SLF1: variants seen among roughly 807,000 people sequenced by gnomAD.
The protein encoded by SLF1 is SMC5/6 complex localization factor 1.
SLF1 carries 105 observed loss-of-function variants against 123.0 expected under a neutral mutation model. The observed-to-expected ratio is 0.85, with a 90% CI of 0.73 to 1.00. SLF1 has a LOEUF of 1.00. Among genes scored for constraint, SLF1 ranks in the 50% least tolerant of loss-of-function variants. SLF1 has a pLI of 0.00. For missense variants in SLF1, 1,239 were observed against 1,223.0 expected, an observed-to-expected ratio of 1.01 and a Z score of -0.20; for synonymous variants, 434 against 406.6, an observed-to-expected ratio of 1.07 and a Z score of -0.81.
At chr5:94,647,075 A>G (rs960711399) in intron 5 of SLF1, among the ~76,000 whole-genome samples, 6 of 152,184 alleles carry the variant, frequency 3.9e-5, no homozygotes, top group Admixed American at 3.9e-4. Context: ...CTTAAAGCCA[A>G]CCACTCAATA....
At chr5:94,635,949 C>G (rs897389017) in intron 4 of SLF1, among the ~76,000 whole-genome samples, 1 of 152,128 alleles carries the variant, frequency 6.6e-6, no homozygotes, top group South Asian at 2.1e-4. Flanking sequence ...GCTTAAAGAA[C>G]TTTCTTTCAT....
chr5:94,656,772 C>T (rs1352907381), intron 9 of SLF1, among the ~76,000 whole-genome samples: 1 of 151,588 alleles, frequency 6.6e-6, no homozygotes, highest in African/African-American at 2.4e-5. Flanking sequence ...GTGTATAGTT[C>T]ATAATAGTCT....
chr5:94,660,429 A>G (rs985385774), intron 9 of SLF1, among the ~76,000 whole-genome samples: 3 of 152,044 alleles, frequency 2.0e-5, no homozygotes, highest in African/African-American at 7.2e-5. Context: ...GTGGACAGGG[A>G]TGGGTTGATA....
At chr5:94,651,032 A>G (rs1167073205) in intron 6 of SLF1, among the ~76,000 whole-genome samples, 1 of 152,244 alleles carries the variant, frequency 6.6e-6, no homozygotes, top group Non-Finnish European at 1.5e-5. Context: ...GACCCCATAT[A>G]TGATAGTATC....
chr5:94,658,834 T>C (rs1217336254), intron 9 of SLF1, among the ~76,000 whole-genome samples: 3 of 152,156 alleles, frequency 2.0e-5, no homozygotes, highest in Non-Finnish European at 4.4e-5. Context: ...TTGTCTGTTA[T>C]TTCAAAAGAC....
chr5:94,685,439 CT>C (rs1752303674), intron 15 of SLF1, among the ~76,000 whole-genome samples: 2 of 151,788 alleles, frequency 1.3e-5, no homozygotes, highest in South Asian at 4.2e-4. Flanking sequence ...GTAATTTTAG[CT>C]TTTTTGATAT....
chr5:94,666,399 T>C (rs936314241), intron 12 of SLF1, among the ~76,000 whole-genome samples: 3 of 152,206 alleles, frequency 2.0e-5, no homozygotes, highest in Non-Finnish European at 4.4e-5. Flanking sequence ...GTATCTATTT[T>C]AGGGCTTCAG....
chr5:94,618,257 G>A (rs952446564), upstream of SLF1: 1 of 152,242 alleles, frequency 6.6e-6, no homozygotes, highest in African/African-American at 2.4e-5. Flanking sequence ...CTCGCCCAGG[G>A]ACACTTGGTG....
At chr5:94,667,684 G>T (rs1323137417) in intron 12 of SLF1, among the ~76,000 whole-genome samples, 1 of 152,136 alleles carries the variant, frequency 6.6e-6, no homozygotes, top group Non-Finnish European at 1.5e-5. Context: ...GTGTCCAATA[G>T]TTATTTTCCA....
chr5:94,634,485 A>G (rs1745535678), intron 4 of SLF1, among the ~76,000 whole-genome samples: 1 of 152,188 alleles, frequency 6.6e-6, no homozygotes. Flanking sequence ...CAGTTCATCC[A>G]TGTTGTTGCA....
At position 94,629,167 on chromosome 5, in the gene SLF1, G is replaced by C; in HGVS notation, c.190G>C (p.Gly64Arg). ...SEKFLAACAAGKWILTKDYII... is the reference protein window; with the variant it reads ...SEKFLAACAARKWILTKDYII... ...AAAATTTTTAGCAGCTTGTGCGGCA[G>C]GTAAGTTAACTGTCTTCCCCCAACT... is the stretch of plus-strand genomic sequence containing the variant. The change falls in exon 3 of 21, where the codon GGA becomes CGA. Residue 64 changes from glycine (G) to arginine (R), a missense_variant and splice_region_variant. Coordinates refer to ENST00000265140, the MANE Select transcript of SLF1 (RefSeq NM_032290.4). The C allele has an allele frequency of 6.5e-7, 1 of 1,547,102 alleles. No homozygotes were observed. The highest frequency in any genetic ancestry group is 8.7e-7 in the Non-Finnish European group (1 of 1,144,968).
chr5:94,618,839 C>T (rs1366191590), intron 1 of SLF1, 74 bp downstream of exon 1: 2 of 154,924 alleles, frequency 1.3e-5, no homozygotes, highest in Non-Finnish European at 2.9e-5. Flanking sequence ...GCGGTACCTC[C>T]GAAGTTTCTG....
At chr5:94,626,530 T>A (rs1299583489) in intron 1 of SLF1, among the ~76,000 whole-genome samples, 1 of 152,194 alleles carries the variant, frequency 6.6e-6, no homozygotes, top group Admixed American at 6.5e-5. Flanking sequence ...ATTGTACCTC[T>A]TTGCCCCTTT....
intron 18 of SLF1, 110 bp from the exon 19 acceptor site, chr5:94,691,454 A>G (rs1006241390): frequency 1.3e-5 from 8 of 612,292 alleles, no homozygotes; most frequent in African/African-American, 1.3e-4. Context: ...GAAGAACTCA[A>G]TAAATAAATT....
rs377467042 is a variant in SLF1, at chr5:94,682,054, A to G, written c.1975+3099A>G. 2.3e-4 allele frequency among the ~76,000 whole-genome samples: 35 copies of G among 152,120 alleles called. No homozygotes were observed. The East Asian group carries it at 6.4e-3, about 28-fold the overall frequency. On this transcript the variant is annotated intron_variant, in intron 15 of 20. Transcript: ENST00000265140. ...TGTGCATGTGCGCGTGTGCACATGTATACATTTGGAGAAAGGTAAAGAAAA... is the reference window on the plus strand; with the variant it reads ...TGTGCATGTGCGCGTGTGCACATGTGTACATTTGGAGAAAGGTAAAGAAAA...
In SLF1 at chr5:94,630,731, A is replaced by T. The variant is rs1182006795; in HGVS notation, c.419A>T (p.Asp140Val). 3.2e-6 allele frequency: 5 copies of T among 1,551,328 alleles called. No homozygotes were observed. Among genetic ancestry groups the T allele is most frequent in the Non-Finnish European group, 4.4e-6 (5 of 1,146,760 alleles). Residue 140 changes from aspartate to valine, a missense_variant, in exon 4 of 21, where the codon GAT (aspartate) becomes GTT (valine). By Grantham distance (152) the Asp-to-Val change is radical. Transcript: ENST00000265140. ...VLLVRTDKRS[D>V]SLIRVLEAGK... is the part of the protein sequence containing the mutation. ...CTTGTTAGAACTGATAAGCGAAGTG[A>T]TTCTCTTATAAGGTAGGATGTGATT... is the stretch of plus-strand genomic sequence containing the variant.
At chr5:94,681,281 C>T (rs1674141329) in intron 15 of SLF1, among the ~76,000 whole-genome samples, 1 of 152,044 alleles carries the variant, frequency 6.6e-6, no homozygotes, top group Admixed American at 6.6e-5. Flanking sequence ...AGGTGTATGC[C>T]ACCAAGCCTG....
At chr5:94,687,718 C>CAAAG (rs1378944825) in intron 16 of SLF1, among the ~76,000 whole-genome samples, 1 of 146,146 alleles carries the variant, frequency 6.8e-6, no homozygotes, top group Non-Finnish European at 1.5e-5. Context: ...ACAACAACAA[C>CAAAG]AAAGAAAGAA....
At chr5:94,677,602 A>G (rs1751234564) in intron 14 of SLF1, among the ~76,000 whole-genome samples, 1 of 152,222 alleles carries the variant, frequency 6.6e-6, no homozygotes, top group Non-Finnish European at 1.5e-5. Flanking sequence ...AAATGTTTTC[A>G]TATGCCTTTT....
Sources: allele counts gnomAD v4.1 joint callset (sites outside exome capture counted in the v4.1 genomes callset), GRCh38; gene constraint gnomAD v4.1.1; transcripts MANE v1.5; gene names NCBI Gene and HGNC (gene_info 2026-07-23, HGNC 2026-07-21).